The following ABCB1 variants were observed in gnomAD, a reference collection of about 807,000 sequenced individuals.
ABCB1 encodes the protein ATP-dependent translocase ABCB1.
In ABCB1, 69 loss-of-function variants were observed where a neutral mutation model predicts 142.0. That is an observed-to-expected ratio of 0.49 (90% CI 0.40 to 0.59). The LOEUF is 0.59. Ranked by LOEUF, ABCB1 falls within the 20% of genes least tolerant of loss-of-function variation. The pLI is 0.00. For synonymous variants in ABCB1, 532 were observed against 539.2 expected, an observed-to-expected ratio of 0.99 and a Z score of 0.18; for missense variants, 1,326 against 1,554.7, an observed-to-expected ratio of 0.85 and a Z score of 2.47.
At chr7:87,516,810 C>A in intron 23 of ABCB1, 145 bp from the exon 24 acceptor site, 1 of 834,332 alleles carries the variant, frequency 1.2e-6, no homozygotes, top group South Asian at 1.7e-5. Flanking sequence ...AATCAGAGCT[C>A]ACTAAAGATA....
At chr7:87,540,531 C>T (rs1816490846) in intron 18 of ABCB1, among the ~76,000 whole-genome samples, 1 of 152,216 alleles carries the variant, frequency 6.6e-6, no homozygotes. Context: ...ACCTCCTCCT[C>T]CTGGCCTCCT....
rs2032582 is a variant in ABCB1 at position 87,531,302 on chromosome 7, A to C, written c.2677T>G (p.Ser893Ala). Residue 893 changes from serine (S) to alanine (A), a missense_variant, in exon 21 of 28, where the codon TCT becomes GCT. Ser to Ala is a moderately conservative substitution (Grantham distance 99). Coordinates refer to ENST00000622132, the MANE Select transcript of ABCB1 (RefSeq NM_001348946.2). Reference protein sequence around the residue: ...ALKDKKELEGSGKIATEAIEN... With the variant: ...ALKDKKELEGAGKIATEAIEN... ...TATTTAGTTTGACTCACCTTCCCAG[A>C]ACCTTCTAGTTCTTTCTTATCTTTC... 0.55 allele frequency: 884,204 copies of C among 1,611,172 alleles called. 250,710 individuals carry two copies. Among genetic ancestry groups the C allele is most frequent in the African/African-American group, 0.92 (68,742 of 74,928 alleles).
At chr7:87,561,212 T>C in intron 8 of ABCB1, 51 bp downstream of exon 8, 11 of 1,606,016 alleles carry the variant, frequency 6.8e-6, no homozygotes, top group Non-Finnish European at 9.4e-6. Flanking sequence ...TGAAGGGCAT[T>C]TGAGAAGACA....
chr7:87,626,198 A>AT (rs11440100), intron 1 of ABCB1, among the ~76,000 whole-genome samples: 2,185 of 12,958 alleles, frequency 0.17, 891 homozygotes, highest in Non-Finnish European at 0.19. Context: ...TGTCATATAT[A>AT]TGTCATATAT....
chr7:87,519,298 C>A (rs1313012009), intron 23 of ABCB1, 28 bp downstream of exon 23: 1 of 1,608,064 alleles, frequency 6.2e-7, no homozygotes. Flanking sequence ...ATTTTTAGAG[C>A]TTAACTAAAT....
chr7:87,661,796 GT>G (rs1393369498), intron 1 of ABCB1, among the ~76,000 whole-genome samples: 1 of 151,872 alleles, frequency 6.6e-6, no homozygotes, highest in Non-Finnish European at 1.5e-5. Context: ...TCATATGGTA[GT>G]TTAATTTTAA....
At chr7:87,570,510 TA>T (rs1415735791) in intron 4 of ABCB1, among the ~76,000 whole-genome samples, 2 of 152,216 alleles carry the variant, frequency 1.3e-5, no homozygotes, top group Non-Finnish European at 2.9e-5. Flanking sequence ...TGAATTAAAA[TA>T]TTTTTTGGAA....
chr7:87,549,634 T>A, intron 13 of ABCB1, 116 bp from the exon 14 acceptor site: 1 of 1,507,262 alleles, frequency 6.6e-7, no homozygotes, highest in Non-Finnish European at 9.2e-7. Flanking sequence ...CAGGTCCAGT[T>A]CTTTAAATCT....
At position 87,600,157 on chromosome 7, in the gene ABCB1, C is replaced by T. The variant is rs1457629148; in HGVS notation, c.28G>A (p.Gly10Arg). The T allele has an allele frequency of 1.2e-6, 2 of 1,614,136 alleles. No homozygotes were observed. The highest frequency in any genetic ancestry group is 3.3e-5 in the Admixed American group (2 of 60,022). Residue 10 changes from glycine to arginine, a missense_variant, in exon 2 of 28, where the codon GGA becomes AGA. Coordinates refer to ENST00000622132, the MANE Select transcript of ABCB1 (RefSeq NM_001348946.2). Reference protein sequence around the residue: MDLEGDRNGGAKKKNFFKLN... With the variant: MDLEGDRNGRAKKKNFFKLN... The stretch of plus-strand genomic sequence containing the variant: ...TTAAAAAAGTTCTTCTTCTTTGCTC[C>T]TCCATTGCGGTCCCCTTCAAGATCC...
intron 1 of ABCB1, among the ~76,000 whole-genome samples, chr7:87,670,854 T>C (rs1033975795): frequency 6.6e-6 from 1 of 152,214 alleles, no homozygotes; most frequent in African/African-American, 2.4e-5. Flanking sequence ...TTCCTCACAA[T>C]TGCAGCTGTG....
intron 9 of ABCB1, among the ~76,000 whole-genome samples, chr7:87,553,038 C>G (rs917466482): frequency 1.3e-5 from 2 of 152,110 alleles, no homozygotes; most frequent in East Asian, 3.9e-4. Flanking sequence ...ATTTATACTT[C>G]CATAATTTGT....
chr7:87,650,248 T>A (rs1387280514), intron 1 of ABCB1, among the ~76,000 whole-genome samples: 1 of 152,160 alleles, frequency 6.6e-6, no homozygotes, highest in East Asian at 1.9e-4. Context: ...GTCTTAGTTT[T>A]TTCAGTAGAT....
chr7:87,611,599 C>T (rs566683425), intron 1 of ABCB1, among the ~76,000 whole-genome samples: 1 of 150,852 alleles, frequency 6.6e-6, no homozygotes, highest in African/African-American at 2.4e-5. Context: ...AGATGTACCA[C>T]ATTTTCTTTA....
intron 1 of ABCB1, among the ~76,000 whole-genome samples, chr7:87,685,152 G>A (rs1827332778): frequency 1.3e-5 from 2 of 152,028 alleles, no homozygotes; most frequent in Admixed American, 6.6e-5. Flanking sequence ...ATAAGACAAG[G>A]CATAGACCAG....
At chr7:87,535,230 C>G (rs896716726) in intron 20 of ABCB1, among the ~76,000 whole-genome samples, 2 of 152,076 alleles carry the variant, frequency 1.3e-5, no homozygotes, top group Non-Finnish European at 2.9e-5. Context: ...CTTCTGTGTT[C>G]AAAACCCTAC....
At chr7:87,543,910 C>G (rs1584864359) in intron 17 of ABCB1, among the ~76,000 whole-genome samples, 1 of 152,190 alleles carries the variant, frequency 6.6e-6, no homozygotes, top group Non-Finnish European at 1.5e-5. Context: ...CTTTAGTTGC[C>G]CAGGTTAGAA....
intron 4 of ABCB1, among the ~76,000 whole-genome samples, chr7:87,581,358 A>G (rs1818498387): frequency 6.6e-6 from 1 of 152,074 alleles, no homozygotes; most frequent in African/African-American, 2.4e-5. Context: ...AACACATTTA[A>G]AACCACAATC....
At chr7:87,565,622 A>T in intron 7 of ABCB1, 1 of 342,256 alleles carries the variant, frequency 2.9e-6, no homozygotes, top group Non-Finnish European at 5.7e-6. Flanking sequence ...AAAATCTAGA[A>T]AGCCAAAAAC....
chr7:87,661,586 C>T (rs1824721073), intron 1 of ABCB1, among the ~76,000 whole-genome samples: 1 of 151,882 alleles, frequency 6.6e-6, no homozygotes, highest in African/African-American at 2.4e-5. Context: ...CGTGTTTTTG[C>T]AAATGATAGG....
Sources: allele counts gnomAD v4.1 joint callset (sites outside exome capture counted in the v4.1 genomes callset), GRCh38; gene constraint gnomAD v4.1.1; transcripts MANE v1.5; gene names NCBI Gene and HGNC (gene_info 2026-07-23, HGNC 2026-07-21).